CRACDL: variants seen among roughly 807,000 people sequenced by gnomAD.
CRACDL encodes CRACD like.
Under a neutral mutation model 70.6 loss-of-function variants are expected in CRACDL, and 26 were observed. That is an observed-to-expected ratio of 0.37 (90% confidence interval 0.27 to 0.51). The LOEUF is 0.51. CRACDL is among the 20% of genes least tolerant of loss of function. CRACDL has a pLI of 0.94. For missense variants in CRACDL, 1,283 were observed against 1,376.9 expected (o/e 0.93, Z 1.08); for synonymous variants, 618 against 615.2 (o/e 1.00, Z -0.07).
intron 2 of CRACDL, among the ~76,000 whole-genome samples, chr2:98,838,740 G>A (rs1417427300): frequency 1.3e-5 from 2 of 152,274 alleles, no homozygotes; most frequent in South Asian, 4.1e-4. Flanking sequence ...ACAATCAGAG[G>A]AGGCCCAACC....
At position 98,822,565 on chromosome 2, in the gene CRACDL, C is replaced by T. The variant is rs755170409; in HGVS notation, c.1708G>A (p.Gly570Ser). ...GAGGACACCGAGAACTTCTTCGCGC[C>T]TCGCAGCTCGGCACCGCCCCTCTCC... ...KAERGGAELR[G>S]AKKFSVSSCR... Residue 570 changes from glycine (G) to serine (S), a missense_variant, in exon 7 of 10, where the codon GGC becomes AGC. By Grantham distance (56) the Gly-to-Ser change is moderately conservative. This residue lies in a region of CRACDL where 921 missense variants were observed against 881.9 expected (regional missense o/e 1.04). Transcript: ENST00000397899. This position sits in a 1 kb window ranked among gnomAD's most constrained non-coding sequence, Gnocchi z 4.9. The T allele has an allele frequency of 6.8e-7, 1 of 1,463,136 alleles. No homozygotes were observed. The highest frequency in any genetic ancestry group is 1.3e-5 in the South Asian group (1 of 76,552). 90.6% of individuals were successfully genotyped at this position (1,463,136 alleles called of 1,614,324 possible).
chr2:98,896,974 C>T (rs1323309343), intron 1 of CRACDL, among the ~76,000 whole-genome samples: 1 of 152,112 alleles, frequency 6.6e-6, no homozygotes, highest in Non-Finnish European at 1.5e-5. Flanking sequence ...AGGATAGCAC[C>T]ATAAATCGGC....
At chr2:98,837,448 G>A (rs945698230) in intron 3 of CRACDL, among the ~76,000 whole-genome samples, 12 of 150,418 alleles carry the variant, frequency 8.0e-5, no homozygotes, top group African/African-American at 2.0e-4. Context: ...AAGGGCCAGC[G>A]TTGTCTTAAA....
At chr2:98,849,918 T>G (rs1002369394) in intron 1 of CRACDL, among the ~76,000 whole-genome samples, 1 of 152,164 alleles carries the variant, frequency 6.6e-6, no homozygotes, top group Non-Finnish European at 1.5e-5. Flanking sequence ...AGTATCCTCA[T>G]AGGCAAAAGG....
chr2:98,823,088 G>A lies in CRACDL; in HGVS notation c.1185C>T (p.Pro395=), dbSNP rs766214701. 3 of 1,577,686 alleles carry A rather than the reference G, an allele frequency of 1.9e-6. No individual in the cohort carries two copies. Among genetic ancestry groups the A allele is most frequent in the Middle Eastern group, 1.7e-4 (1 of 5,954 alleles). ...TDKAEEVVCA[P]EDVASPFPTA... is the part of the protein sequence containing the mutation. ...TGGGAAACGGGCTCGCGACGTCTTCGGGAGCACAGACCACCTCCTCCGCCT... is the reference window on the plus strand; with the variant it reads ...TGGGAAACGGGCTCGCGACGTCTTCAGGAGCACAGACCACCTCCTCCGCCT... Residue 395 remains proline (P), a synonymous_variant, in exon 7 of 10, where the codon CCC becomes CCT. Transcript: ENST00000397899. The surrounding 1 kb of genome is among the most constrained non-coding windows in gnomAD (Gnocchi z 4.0).
At chr2:98,914,572 CTT>C (rs1708623880) in intron 1 of CRACDL, among the ~76,000 whole-genome samples, 1 of 152,174 alleles carries the variant, frequency 6.6e-6, no homozygotes, top group South Asian at 2.1e-4. Context: ...TCAAGGGAGA[CTT>C]TTTTAAAGAC....
chr2:98,821,717 T>G, intron 7 of CRACDL, 140 bp downstream of exon 7: 2 of 1,113,890 alleles, frequency 1.8e-6, no homozygotes, highest in Non-Finnish European at 2.5e-6. Flanking sequence ...AGACATGATG[T>G]TAGTGGGAAT....
At chr2:98,914,974 G>C (rs1307486373) in intron 1 of CRACDL, among the ~76,000 whole-genome samples, 1 of 152,244 alleles carries the variant, frequency 6.6e-6, no homozygotes, top group East Asian at 1.9e-4. Context: ...TGGGCAAAGA[G>C]GTGCTGTCCA....
At chr2:98,888,881 G>A (rs1324475986) in intron 1 of CRACDL, among the ~76,000 whole-genome samples, 3 of 152,158 alleles carry the variant, frequency 2.0e-5, no homozygotes, top group African/African-American at 7.2e-5. Context: ...TGTAATCCCA[G>A]CACTTTGGGT....
At chr2:98,887,323 T>TA (rs535413432) in intron 1 of CRACDL, among the ~76,000 whole-genome samples, 16 of 151,248 alleles carry the variant, frequency 1.1e-4, no homozygotes, top group Non-Finnish European at 1.8e-4. Flanking sequence ...TATCTCTATT[T>TA]AAAAAAAAAT....
At chr2:98,885,761 C>T (rs1026071305) in intron 1 of CRACDL, among the ~76,000 whole-genome samples, 1 of 152,174 alleles carries the variant, frequency 6.6e-6, no homozygotes, top group Non-Finnish European at 1.5e-5. Flanking sequence ...AGTGACAAAA[C>T]TGATCTCTCT....
chr2:98,897,522 A>G (rs550338608), intron 1 of CRACDL: 44 of 523,074 alleles, frequency 8.4e-5, no homozygotes, highest in African/African-American at 6.7e-4. Context: ...TGAAGGTTTC[A>G]TAACTTTTTC....
Position 98,822,815 on chromosome 2 carries a change from C to G in CRACDL, c.1458G>C (p.Ala486=). ...PERIGTEPST[A]PAPSPPAPKS... ...TGGGCGCCGGCGGGCTCGGGGCGGG[C>G]GCCGTGGAGGGCTCGGTCCCAATTC... Residue 486 remains alanine (A), a synonymous_variant, in exon 7 of 10, where the codon GCG becomes GCC. Coordinates refer to ENST00000397899, the MANE Select transcript of CRACDL (RefSeq NM_207362.3). The surrounding 1 kb of genome is among the most constrained non-coding windows in gnomAD (Gnocchi z 4.9). 7.2e-7 allele frequency: 1 copy of G among 1,382,878 alleles called. No homozygotes were observed. 85.7% of individuals were successfully genotyped at this position (1,382,878 alleles called of 1,614,324 possible).
chr2:98,934,906 G>A (rs76903795), intron 1 of CRACDL, among the ~76,000 whole-genome samples: 1,833 of 152,274 alleles, frequency 0.012, 18 homozygotes, highest in Non-Finnish European at 0.021. Context: ...CAGCATAGGG[G>A]CAGAGCCCAG....
intron 7 of CRACDL, among the ~76,000 whole-genome samples, chr2:98,802,457 C>A (rs1041075943): frequency 5.3e-5 from 8 of 152,080 alleles, no homozygotes; most frequent in Non-Finnish European, 1.0e-4. Flanking sequence ...TTCAGACCCA[C>A]ATTTGGCATT....
At chr2:98,810,876 G>A (rs577718447) in intron 7 of CRACDL, among the ~76,000 whole-genome samples, 44 of 151,874 alleles carry the variant, frequency 2.9e-4, no homozygotes, top group African/African-American at 8.9e-4. Context: ...TCAAACAAGC[G>A]GAATGCCCCT....
At chr2:98,839,967 TTTG>T (rs1209606886) in intron 2 of CRACDL, among the ~76,000 whole-genome samples, 1 of 152,186 alleles carries the variant, frequency 6.6e-6, no homozygotes. Context: ...AAAGTTTTGC[TTTG>T]TTAATTCTTT....
chr2:98,911,444 T>C (rs1708546062), intron 1 of CRACDL, among the ~76,000 whole-genome samples: 1 of 152,204 alleles, frequency 6.6e-6, no homozygotes, highest in African/African-American at 2.4e-5. Context: ...GGGACAAGGC[T>C]GAGGGCAGCA....
intron 1 of CRACDL, among the ~76,000 whole-genome samples, chr2:98,872,872 C>T (rs552056788): frequency 2.0e-5 from 3 of 152,306 alleles, no homozygotes; most frequent in East Asian, 3.9e-4. Flanking sequence ...TGTGAACTGA[C>T]GTTATCTGTG....
Sources: gnomAD v4.1 joint callset for allele counts (sites outside exome capture counted in the v4.1 genomes callset) on GRCh38, gnomAD v4.1.1 for gene constraint, gnomAD v4.1.1 regional missense constraint, Gnocchi (gnomAD v3.1) non-coding constraint, MANE v1.5 for transcripts, NCBI Gene and HGNC (gene_info 2026-07-23, HGNC 2026-07-21) for gene names.